NRG2: variants seen among roughly 807,000 people sequenced by gnomAD.
NRG2 encodes the protein pro-neuregulin-2, membrane-bound isoform.
NRG2 carries 27 observed loss-of-function variants against 73.9 expected under a neutral mutation model. The observed-to-expected ratio is 0.37, with a 90% CI of 0.27 to 0.50. NRG2 has a LOEUF of 0.50. Ranked by LOEUF, NRG2 falls within the 20% of genes least tolerant of loss-of-function variation. The probability of loss-of-function intolerance (pLI) is 0.96; values close to 1 mark genes in which losing one functional copy is unlikely to be tolerated. For missense variants in NRG2, 1,126 were observed against 1,210.1 expected (o/e 0.93, Z 1.03); for synonymous variants, 532 against 541.0 (o/e 0.98, Z 0.23).
At chr5:139,990,073 C>A (rs1370111749) in intron 1 of NRG2, among the ~76,000 whole-genome samples, 1 of 151,870 alleles carries the variant, frequency 6.6e-6, no homozygotes, top group East Asian at 1.9e-4. Context: ...CAGGCGTGAG[C>A]CACTGTGCCT....
At chr5:139,872,526 C>T (rs1030222484) in intron 3 of NRG2, among the ~76,000 whole-genome samples, 21 of 152,148 alleles carry the variant, frequency 1.4e-4, no homozygotes, top group African/African-American at 4.6e-4. Context: ...CCACCCCAGA[C>T]AGCCCCCTCC....
intron 1 of NRG2, among the ~76,000 whole-genome samples, chr5:140,023,164 A>G (rs1226940833): frequency 6.6e-6 from 1 of 152,170 alleles, no homozygotes; most frequent in Non-Finnish European, 1.5e-5. Flanking sequence ...AATACCTACA[A>G]TGGCAACCTA....
chr5:139,922,710 C>T (rs1038586091), intron 1 of NRG2, among the ~76,000 whole-genome samples: 3 of 152,122 alleles, frequency 2.0e-5, no homozygotes, highest in Admixed American at 6.6e-5. Context: ...AGATGTCCTT[C>T]AGTAGATGAA....
At chr5:139,905,686 G>T (rs1026806887) in intron 1 of NRG2, among the ~76,000 whole-genome samples, 1 of 152,044 alleles carries the variant, frequency 6.6e-6, no homozygotes, top group Non-Finnish European at 1.5e-5. Flanking sequence ...GCTCTGGTGG[G>T]GGGGGGGCAG....
Position 139,851,859 on chromosome 5 carries a change from G to A in NRG2, c.1545-28C>T, listed in dbSNP as rs963876829. On this transcript the variant is annotated intron_variant, in intron 8 of 9. Transcript: ENST00000361474. The surrounding 1 kb of genome is among the most constrained non-coding windows in gnomAD (Gnocchi z 4.2). ...GGGAAGGCCAGATGGGGTGAGACGAGGGGTCAGGAAGGGGCAGGGCGGCCC... is the reference window on the plus strand; with the variant it reads ...GGGAAGGCCAGATGGGGTGAGACGAAGGGTCAGGAAGGGGCAGGGCGGCCC... The A allele has an allele frequency of 1.2e-6, 2 of 1,608,494 alleles. No individual in the cohort carries two copies. The highest frequency in any genetic ancestry group is 1.3e-5 in the African/African-American group (1 of 74,828).
In NRG2 at chr5:139,852,696, G is replaced by T; in HGVS notation, c.1417-137C>A. ...ACTGTGTGAGAGTGACTTGATGTTG[G>T]GGCAGCGATGGCTCCAGCAAATCAA... On this transcript the variant is annotated intron_variant, in intron 7 of 9. Coordinates refer to ENST00000361474, the MANE Select transcript of NRG2 (RefSeq NM_004883.3). The surrounding 1 kb of genome is among the most constrained non-coding windows in gnomAD (Gnocchi z 4.4). 7.0e-7 allele frequency: 1 copy of T among 1,426,800 alleles called. No homozygotes were observed. Among genetic ancestry groups the T allele is most frequent in the Non-Finnish European group, 9.6e-7 (1 of 1,045,918 alleles). The allele number at this position is 1,426,800 out of a possible 1,614,324, so 88.4% of individuals were successfully genotyped here.
At chr5:139,886,036 G>A (rs1763841724) in intron 2 of NRG2, among the ~76,000 whole-genome samples, 1 of 152,148 alleles carries the variant, frequency 6.6e-6, no homozygotes, top group Non-Finnish European at 1.5e-5. Context: ...AGAGCTTCTT[G>A]CCAATGCTGT....
intron 1 of NRG2, among the ~76,000 whole-genome samples, chr5:139,990,700 T>A (rs139895081): frequency 9.6e-4 from 146 of 152,354 alleles, no homozygotes; most frequent in African/African-American, 3.3e-3. Context: ...AAATGGGTGC[T>A]AAAAGTTATT....
At chr5:140,000,631 C>G (rs1682798349) in intron 1 of NRG2, among the ~76,000 whole-genome samples, 1 of 152,236 alleles carries the variant, frequency 6.6e-6, no homozygotes, top group Admixed American at 6.5e-5. Context: ...GAACTTGGCT[C>G]TCAGGCATTG....
chr5:139,934,057 G>C (rs1394418554), intron 1 of NRG2, among the ~76,000 whole-genome samples: 2 of 152,072 alleles, frequency 1.3e-5, no homozygotes, highest in Non-Finnish European at 2.9e-5. Flanking sequence ...AAATTAGCTG[G>C]GCATGGTGGC....
At chr5:139,990,662 A>T (rs1461154838) in intron 1 of NRG2, among the ~76,000 whole-genome samples, 1 of 152,210 alleles carries the variant, frequency 6.6e-6, no homozygotes, top group Non-Finnish European at 1.5e-5. Context: ...CAACACTGGC[A>T]TTATCAAACT....
At chr5:139,874,564 T>C (rs1016644956) in intron 3 of NRG2, among the ~76,000 whole-genome samples, 1 of 152,230 alleles carries the variant, frequency 6.6e-6, no homozygotes, top group African/African-American at 2.4e-5. Flanking sequence ...CATTGTCTCT[T>C]TCTTTGATGG....
chr5:139,913,646 C>A (rs1350230875), intron 1 of NRG2, among the ~76,000 whole-genome samples: 1 of 152,240 alleles, frequency 6.6e-6, no homozygotes, highest in Non-Finnish European at 1.5e-5. Context: ...CAGTGCCAGA[C>A]AATGCTTGCT....
chr5:140,002,225 A>AG (rs749556785), intron 1 of NRG2, among the ~76,000 whole-genome samples: 1 of 152,228 alleles, frequency 6.6e-6, no homozygotes, highest in Non-Finnish European at 1.5e-5. Flanking sequence ...GAGCTGTGAC[A>AG]GGGGAAAAAA....
At chr5:139,952,895 A>T (rs1754327732) in intron 1 of NRG2, among the ~76,000 whole-genome samples, 1 of 152,172 alleles carries the variant, frequency 6.6e-6, no homozygotes, top group Non-Finnish European at 1.5e-5. Context: ...CCTGAGCCAG[A>T]TGTGCGCCGG....
chr5:139,921,418 C>T (rs186978063), intron 1 of NRG2, among the ~76,000 whole-genome samples: 174 of 152,240 alleles, frequency 1.1e-3, no homozygotes, highest in African/African-American at 3.8e-3. Context: ...TAGAACAGAA[C>T]GGAGAGCCCA....
intron 1 of NRG2, among the ~76,000 whole-genome samples, chr5:139,909,102 T>G (rs1171483248): frequency 6.6e-6 from 1 of 152,252 alleles, no homozygotes; most frequent in Non-Finnish European, 1.5e-5. Context: ...AGACCCACCC[T>G]ATTTTCACAA....
rs1758569301 is a variant in NRG2 at position 140,002,532 on chromosome 5, G to A, written c.700+39838C>T. Among the ~76,000 whole-genome samples the A allele has an allele frequency of 2.0e-5, 3 of 152,196 alleles. No individual in the cohort carries two copies. The South Asian group carries it at 6.2e-4, about 32-fold the overall frequency. On this transcript the variant is annotated intron_variant, in intron 1 of 9. Transcript: ENST00000361474. ...CAATAAATACCAAAAGCTGGAGACA[G>A]GAACATGTCTGACAGGTTCAGAAAA...
At chr5:140,039,031 T>A (rs576123596) in intron 1 of NRG2, among the ~76,000 whole-genome samples, 1 of 152,338 alleles carries the variant, frequency 6.6e-6, no homozygotes, top group East Asian at 1.9e-4. Flanking sequence ...GGTGCCACAT[T>A]AATTTAAAAC....
Sources: gnomAD v4.1 joint callset for allele counts (sites outside exome capture counted in the v4.1 genomes callset) on GRCh38, gnomAD v4.1.1 for gene constraint, Gnocchi (gnomAD v3.1) non-coding constraint, MANE v1.5 for transcripts, NCBI Gene and HGNC (gene_info 2026-07-23, HGNC 2026-07-21) for gene names.